CDIN1: variants seen among roughly 807,000 people sequenced by gnomAD.
The protein encoded by CDIN1 is CDAN1 interacting nuclease 1, also known as CDAN1-interacting nuclease 1.
In CDIN1, 33 loss-of-function variants were observed where a neutral mutation model predicts 45.3. The ratio of observed to expected loss-of-function variants is 0.73; its 90% CI spans 0.55 to 0.97. The LOEUF (loss-of-function observed/expected upper bound fraction) is 0.97. Ranked by LOEUF, CDIN1 falls within the 50% of genes least tolerant of loss-of-function variation. CDIN1 has a pLI of 0.00. For missense variants in CDIN1, 303 were observed against 339.4 expected (o/e 0.89, Z 0.84); for synonymous variants, 118 against 124.4 (o/e 0.95, Z 0.34).
intron 10 of CDIN1, among the ~76,000 whole-genome samples, chr15:36,791,090 G>C (rs2054633941): frequency 6.6e-6 from 1 of 152,102 alleles, no homozygotes; most frequent in South Asian, 2.1e-4. Flanking sequence ...TCTTTCTTGA[G>C]GAAGTAGGAA....
chr15:36,773,224 G>A (rs142378929), intron 10 of CDIN1, among the ~76,000 whole-genome samples: 11 of 152,296 alleles, frequency 7.2e-5, no homozygotes, highest in Non-Finnish European at 1.3e-4. Flanking sequence ...ACTTGTCTCT[G>A]AGGGATTTTC....
intron 1 of CDIN1, among the ~76,000 whole-genome samples, chr15:36,607,686 T>C (rs1188226506): frequency 6.6e-6 from 1 of 152,234 alleles, no homozygotes; most frequent in Non-Finnish European, 1.5e-5. Flanking sequence ...GTATTCTTTT[T>C]TCAATTATAA....
chr15:36,792,008 G>A (rs1414987998), intron 10 of CDIN1, among the ~76,000 whole-genome samples: 2 of 152,182 alleles, frequency 1.3e-5, no homozygotes, highest in Non-Finnish European at 2.9e-5. Context: ...GCGCAGACCA[G>A]CACGCAGGGA....
chr15:36,754,336 A>T (rs1990659), intron 10 of CDIN1, among the ~76,000 whole-genome samples: 109,561 of 151,944 alleles, frequency 0.72, 40,367 homozygotes, highest in African/African-American at 0.89. Context: ...CAGAATTATA[A>T]GGCTGTTAAT....
At chr15:36,692,029 TG>T in intron 6 of CDIN1, 96 bp from the exon 7 acceptor site, 3 of 720,432 alleles carry the variant, frequency 4.2e-6, no homozygotes, top group Non-Finnish European at 5.5e-6. Flanking sequence ...GGGGCGGGGG[TG>T]GGGGAAGAAA....
intron 10 of CDIN1, among the ~76,000 whole-genome samples, chr15:36,798,204 C>T (rs1337368867): frequency 2.6e-5 from 4 of 152,108 alleles, no homozygotes; most frequent in Non-Finnish European, 4.4e-5. Flanking sequence ...ATGAAGCTTA[C>T]ATTTTAAAAG....
At chr15:36,625,385 A>G (rs767845901) in intron 1 of CDIN1, among the ~76,000 whole-genome samples, 18 of 152,210 alleles carry the variant, frequency 1.2e-4, no homozygotes, top group Non-Finnish European at 2.4e-4. Flanking sequence ...ACGGAATTAA[A>G]TTTAACCTCT....
intron 10 of CDIN1, among the ~76,000 whole-genome samples, chr15:36,739,709 T>G (rs1434332560): frequency 6.6e-6 from 1 of 152,210 alleles, no homozygotes; most frequent in African/African-American, 2.4e-5. Flanking sequence ...GTTAGCAAGT[T>G]TAAAGTAAAG....
intron 10 of CDIN1, among the ~76,000 whole-genome samples, chr15:36,733,497 ATGTAT>A (rs1427347105): frequency 2.0e-5 from 3 of 152,086 alleles, no homozygotes; most frequent in African/African-American, 4.8e-5. Context: ...AGTTAGCCAA[ATGTAT>A]TGTATTTTTT....
At chr15:36,756,064 C>G (rs1324481705) in intron 10 of CDIN1, 2 of 455,800 alleles carry the variant, frequency 4.4e-6, no homozygotes, top group South Asian at 1.5e-5. Flanking sequence ...CAACAAATTC[C>G]TATGAGGACT....
intron 7 of CDIN1, among the ~76,000 whole-genome samples, chr15:36,694,889 A>C (rs955257424): frequency 7.2e-5 from 11 of 152,252 alleles, no homozygotes; most frequent in Admixed American, 7.2e-4. Context: ...AATAGAAGTA[A>C]ATAATTTAGT....
chr15:36,626,225 C>T (rs2039416690), intron 1 of CDIN1, among the ~76,000 whole-genome samples: 2 of 150,518 alleles, frequency 1.3e-5, no homozygotes, highest in Admixed American at 1.3e-4. Context: ...CTAGCTAGAA[C>T]TGATGGGGAA....
At chr15:36,632,713 C>T (rs148087577) in intron 1 of CDIN1, among the ~76,000 whole-genome samples, 75 of 152,190 alleles carry the variant, frequency 4.9e-4, no homozygotes, top group Non-Finnish European at 8.4e-4. Context: ...TTGAATTTCC[C>T]GAGGGGAAGG....
chr15:36,688,285 A>G (rs927509132), intron 5 of CDIN1, among the ~76,000 whole-genome samples: 1 of 152,124 alleles, frequency 6.6e-6, no homozygotes, highest in Non-Finnish European at 1.5e-5. Flanking sequence ...AATTAATATG[A>G]GACTATCTAA....
intron 5 of CDIN1, among the ~76,000 whole-genome samples, chr15:36,681,576 C>T (rs560414588): frequency 3.1e-4 from 47 of 152,064 alleles, no homozygotes; most frequent in African/African-American, 1.0e-3. Context: ...TCCAAGCAGA[C>T]GAAATACAAA....
chr15:36,800,905 G>GTATATATATATATATA (rs1437486563), intron 10 of CDIN1, among the ~76,000 whole-genome samples: 12 of 22,094 alleles, frequency 5.4e-4, no homozygotes, highest in Admixed American at 8.7e-4. Flanking sequence ...GTGTGTGTGT[G>GTATATATATATATATA]TGTGTATATA....
chr15:36,616,836 A>G lies in CDIN1; in HGVS notation c.102-27442A>G, dbSNP rs568290500. 2.6e-3 allele frequency among the ~76,000 whole-genome samples: 389 copies of G among 152,146 alleles called. 3 individuals are homozygous for G. The highest frequency in any genetic ancestry group is 4.7e-3 in the Non-Finnish European group (317 of 68,006). Reference sequence around the variant, plus strand: ...GCTACTCAGGAGGCTGAGGCAGGAGACTTGCTTGGACCTGGGAGGCAGAGG... The same window carrying G: ...GCTACTCAGGAGGCTGAGGCAGGAGGCTTGCTTGGACCTGGGAGGCAGAGG... On this transcript the variant is annotated intron_variant, in intron 1 of 10. Coordinates refer to ENST00000566621, the MANE Select transcript of CDIN1 (RefSeq NM_001321759.2).
chr15:36,589,363 A>G (rs2037457875), intron 1 of CDIN1, among the ~76,000 whole-genome samples: 1 of 152,154 alleles, frequency 6.6e-6, no homozygotes, highest in Non-Finnish European at 1.5e-5. Flanking sequence ...TATTGAAGGG[A>G]GATGTTTTCA....
chr15:36,748,701 G>T (rs1246255763), intron 10 of CDIN1, among the ~76,000 whole-genome samples: 1 of 152,078 alleles, frequency 6.6e-6, no homozygotes, highest in Admixed American at 6.6e-5. Flanking sequence ...CATCAACTGG[G>T]GGGTACATTC....
Sources: gnomAD v4.1 joint callset for allele counts (sites outside exome capture counted in the v4.1 genomes callset) on GRCh38, gnomAD v4.1.1 for gene constraint, MANE v1.5 for transcripts, NCBI Gene and HGNC (gene_info 2026-07-23, HGNC 2026-07-21) for gene names.